The following GLDC variants were observed in gnomAD, a reference collection of about 807,000 sequenced individuals.
The protein encoded by GLDC is glycine dehydrogenase (decarboxylating), mitochondrial.
A neutral mutation model predicts 121.3 loss-of-function variants in GLDC; 104 were observed. That is an observed-to-expected ratio of 0.86 (90% CI 0.73 to 1.01). The LOEUF is 1.01. GLDC is among the 50% of genes least tolerant of loss of function. GLDC has a pLI of 0.00. For missense variants in GLDC, 1,429 were observed against 1,306.6 expected (o/e 1.09, Z -1.44); for synonymous variants, 546 against 480.6 (o/e 1.14, Z -1.78).
rs944867932 is a variant in GLDC, at chr9:6,602,820, A to T, written c.1059-615T>A. Among the ~76,000 whole-genome samples the T allele has an allele frequency of 2.0e-5, 3 of 152,356 alleles. 1 individual carries two copies. The South Asian group carries it at 6.2e-4, about 32-fold the overall frequency. Reference sequence around the variant, plus strand: ...TAGGAGACACAGGAAAAGTGGAAATATACGACAAAATTGAAAAGACTTGGC... The same window carrying T: ...TAGGAGACACAGGAAAAGTGGAAATTTACGACAAAATTGAAAAGACTTGGC... On this transcript the variant is annotated intron_variant, in intron 7 of 24. Coordinates refer to ENST00000321612, the MANE Select transcript of GLDC (RefSeq NM_000170.3).
intron 14 of GLDC, among the ~76,000 whole-genome samples, chr9:6,588,036 G>A (rs568431061): frequency 1.4e-5 from 2 of 138,260 alleles, no homozygotes; most frequent in Admixed American, 8.3e-5. Context: ...CTAGAAAGAC[G>A]GCTTAAGGTT....
chr9:6,587,920 G>A lies in GLDC; in HGVS notation c.1707+481C>T, dbSNP rs148670733. Among the ~76,000 whole-genome samples the A allele has an allele frequency of 9.8e-4, 149 of 152,110 alleles. 5 individuals carry two copies. In the East Asian group the frequency reaches 0.024, roughly 25 times the overall value. On this transcript the variant is annotated intron_variant, in intron 14 of 24. Transcript: ENST00000321612. ...ATGAAAGAAAGAAAAAAAAAGCTTCGCTAAAATGGATCCTGGCCTAGTAGA... is the reference window on the plus strand; with the variant it reads ...ATGAAAGAAAGAAAAAAAAAGCTTCACTAAAATGGATCCTGGCCTAGTAGA...
intron 17 of GLDC, among the ~76,000 whole-genome samples, chr9:6,556,625 T>A (rs1190526224): frequency 6.6e-6 from 1 of 151,898 alleles, no homozygotes; most frequent in South Asian, 2.1e-4. Flanking sequence ...AAACCCCGTC[T>A]CTACTAAAAA....
chr9:6,573,810 G>C (rs545942421), intron 15 of GLDC, among the ~76,000 whole-genome samples: 1 of 152,322 alleles, frequency 6.6e-6, no homozygotes, highest in African/African-American at 2.4e-5. Context: ...GGCACCTTCA[G>C]AGGACCACTC....
chr9:6,554,961 T>C, intron 18 of GLDC, 180 bp from the exon 19 acceptor site: 1 of 668,076 alleles, frequency 1.5e-6, no homozygotes, highest in Non-Finnish European at 2.7e-6. Flanking sequence ...CAAACTGGCA[T>C]CCGATAGGCA....
chr9:6,625,812 C>T (rs1819225129), intron 2 of GLDC, among the ~76,000 whole-genome samples: 1 of 151,570 alleles, frequency 6.6e-6, no homozygotes, highest in Non-Finnish European at 1.5e-5. Context: ...TATGGGTCTG[C>T]AGCAGAGGCC....
chr9:6,624,847 G>A (rs1413040997), intron 2 of GLDC, among the ~76,000 whole-genome samples: 1 of 152,094 alleles, frequency 6.6e-6, no homozygotes, highest in Non-Finnish European at 1.5e-5. Flanking sequence ...AATTAGCTGG[G>A]CCTGGTGGCA....
chr9:6,559,810 G>A (rs1033195436), intron 16 of GLDC, among the ~76,000 whole-genome samples: 7 of 151,250 alleles, frequency 4.6e-5, no homozygotes, highest in South Asian at 4.2e-4. Context: ...GCAAGACTCC[G>A]TCTCAAAAAA....
chr9:6,543,763 C>A (rs931841372), intron 21 of GLDC, among the ~76,000 whole-genome samples: 7 of 151,892 alleles, frequency 4.6e-5, no homozygotes, highest in Non-Finnish European at 7.4e-5. Context: ...AATGTTGGGG[C>A]GATATCAAGT....
intron 21 of GLDC, among the ~76,000 whole-genome samples, chr9:6,542,778 T>A (rs575466048): frequency 6.7e-6 from 1 of 148,798 alleles, no homozygotes; most frequent in African/African-American, 2.5e-5. Context: ...ACCAGCTACG[T>A]GTAAGGCTGA....
chr9:6,645,572 C>T lies in GLDC; in HGVS notation c.-73G>A, dbSNP rs907705125. The T allele has an allele frequency of 1.8e-6, 2 of 1,136,582 alleles. No individual in the cohort carries two copies. Among genetic ancestry groups the T allele is most frequent in the African/African-American group, 1.6e-5 (1 of 60,778 alleles). 70.4% of individuals were successfully genotyped at this position (1,136,582 alleles called of 1,614,324 possible). A position where few individuals can be genotyped will look rare whatever the true frequency, so the allele number is the denominator to read the frequency against. On this transcript the variant is annotated 5_prime_UTR_variant, in exon 1 of 25. Coordinates refer to ENST00000321612, the MANE Select transcript of GLDC (RefSeq NM_000170.3). ...TCTTGGCCCCTCTCCTGGCCTCGGT[C>T]CCCCGGGTGGCGGCTGCGCCCGGCC...
At chr9:6,569,980 C>T (rs945840985) in intron 15 of GLDC, among the ~76,000 whole-genome samples, 8 of 152,048 alleles carry the variant, frequency 5.3e-5, no homozygotes, top group Non-Finnish European at 1.0e-4. Flanking sequence ...AGGCTCATGG[C>T]CGGGGGGATT....
chr9:6,614,713 C>T lies in GLDC; in HGVS notation c.471-4357G>A, dbSNP rs543250496. 7.8e-4 allele frequency among the ~76,000 whole-genome samples: 118 copies of T among 152,210 alleles called. 3 individuals are homozygous for T. The South Asian group carries it at 0.023, about 29-fold the overall frequency. On this transcript the variant is annotated intron_variant, in intron 3 of 24. Coordinates refer to ENST00000321612, the MANE Select transcript of GLDC (RefSeq NM_000170.3). The stretch of plus-strand genomic sequence containing the variant: ...CTTAATCTTATTAATTTTCTACAGT[C>T]ATGCATGGCTTAACAGAAATATGCT...
intron 2 of GLDC, chr9:6,622,760 C>T (rs960706214): frequency 3.5e-4 from 74 of 213,812 alleles, no homozygotes; most frequent in Non-Finnish European, 5.9e-4. Flanking sequence ...AAGTGAGGAG[C>T]GTCTCTGCCC....
intron 16 of GLDC, among the ~76,000 whole-genome samples, chr9:6,565,148 C>G (rs758206872): frequency 5.3e-5 from 8 of 152,242 alleles, no homozygotes; most frequent in Admixed American, 2.6e-4. Flanking sequence ...AGTCTTTTAT[C>G]TCTGAATGTT....
rs1459122965 is a variant in GLDC, at chr9:6,585,725, C to T, written c.1850+1416G>A. Among the ~76,000 whole-genome samples, 4 of 152,146 alleles carry T rather than the reference C, an allele frequency of 2.6e-5. No individual in the cohort carries two copies. In the South Asian group the frequency reaches 6.2e-4, roughly 24 times the overall value. On this transcript the variant is annotated intron_variant, in intron 15 of 24. Coordinates refer to ENST00000321612, the MANE Select transcript of GLDC (RefSeq NM_000170.3). ...TGGTAGAGAACTATACTTTGAGCAG[C>T]AGGAGGTGAAGAACCTAGGGGCAGA...
chr9:6,578,096 G>A (rs138784027), intron 15 of GLDC, among the ~76,000 whole-genome samples: 2 of 151,508 alleles, frequency 1.3e-5, no homozygotes, highest in East Asian at 3.9e-4. Context: ...TTAATTTTTT[G>A]TAGAGACTAA....
chr9:6,535,151 A>C lies in GLDC; in HGVS notation c.2839-363T>G, dbSNP rs377085630. On this transcript the variant is annotated intron_variant, in intron 23 of 24. Transcript: ENST00000321612. ...CATCATGCTTTTATACTATTACTGC[A>C]TATGTTAATAAACTGCATATAGCAT... is the stretch of plus-strand genomic sequence containing the variant. Among the ~76,000 whole-genome samples the C allele has an allele frequency of 3.9e-5, 6 of 152,274 alleles. No homozygotes were observed. The East Asian group carries it at 1.2e-3, about 29-fold the overall frequency.
rs1034614089 is a variant in GLDC, at chr9:6,587,257, G to C, written c.1734C>G (p.Asn578Lys). The change falls in exon 15 of 25, where the codon AAC becomes AAG. Residue 578 changes from asparagine to lysine, a missense_variant. Physicochemically the swap from Asn to Lys is moderately conservative, Grantham distance 94. Coordinates refer to ENST00000321612, the MANE Select transcript of GLDC (RefSeq NM_000170.3). The stretch of plus-strand genomic sequence containing the variant: ...GATCCAGAGGCACAAAGGGGTGGAT[G>C]TTTGCAAATTCTTTCCATGTGATAG... ...LAPITWKEFA[N>K]IHPFVPLDQA... 3 of 1,613,762 alleles carry C rather than the reference G, an allele frequency of 1.9e-6. No homozygotes were observed. Among genetic ancestry groups the C allele is most frequent in the Non-Finnish European group, 2.5e-6 (3 of 1,179,834 alleles).
Sources: allele counts gnomAD v4.1 joint callset (sites outside exome capture counted in the v4.1 genomes callset), GRCh38; gene constraint gnomAD v4.1.1; transcripts MANE v1.5; gene names NCBI Gene and HGNC (gene_info 2026-07-23, HGNC 2026-07-21).